The following ATP8A2 variants were observed in gnomAD, a reference collection of about 807,000 sequenced individuals.
ATP8A2 encodes phospholipid-transporting ATPase IB.
Under a neutral mutation model 165.6 loss-of-function variants are expected in ATP8A2, and 100 were observed. That is an observed-to-expected ratio of 0.60 (90% CI 0.51 to 0.71). The LOEUF (loss-of-function observed/expected upper bound fraction) is 0.71. Ranked by LOEUF, ATP8A2 falls within the 30% of genes least tolerant of loss-of-function variation. The probability of loss-of-function intolerance (pLI) is 0.00; values close to 1 mark genes in which losing one functional copy is unlikely to be tolerated. For synonymous variants in ATP8A2, 543 were observed against 548.8 expected (o/e 0.99, Z 0.15); for missense variants, 1,227 against 1,479.5 (o/e 0.83, Z 2.80).
At chr13:25,453,940 T>C (rs1336405399) in intron 1 of ATP8A2, among the ~76,000 whole-genome samples, 1 of 152,190 alleles carries the variant, frequency 6.6e-6, no homozygotes, top group South Asian at 2.1e-4. Context: ...CTTGTTTAGA[T>C]ACAAGCTATG....
intron 2 of ATP8A2, among the ~76,000 whole-genome samples, chr13:25,474,271 C>G (rs2035929829): frequency 6.6e-6 from 1 of 152,078 alleles, no homozygotes; most frequent in Admixed American, 6.6e-5. Context: ...TAGAATATTA[C>G]CTTTACAGGG....
At chr13:25,549,693 TC>T (rs1002948106) in intron 10 of ATP8A2, among the ~76,000 whole-genome samples, 1 of 152,116 alleles carries the variant, frequency 6.6e-6, no homozygotes, top group Admixed American at 6.6e-5. Context: ...GTGACAGATT[TC>T]CACAGTTTTA....
chr13:25,868,600 A>T (rs1425330287), intron 33 of ATP8A2, among the ~76,000 whole-genome samples: 1 of 152,198 alleles, frequency 6.6e-6, no homozygotes, highest in African/African-American at 2.4e-5. Flanking sequence ...AAGAAGTAAC[A>T]CACTGTGTTT....
intron 2 of ATP8A2, among the ~76,000 whole-genome samples, chr13:25,513,502 C>T (rs530849166): frequency 4.6e-5 from 7 of 151,374 alleles, no homozygotes; most frequent in South Asian, 4.2e-4. Context: ...GGGCTCCTCA[C>T]GTCCCAGAAG....
intron 24 of ATP8A2, among the ~76,000 whole-genome samples, chr13:25,633,920 G>A (rs1265278158): frequency 2.0e-5 from 3 of 151,420 alleles, no homozygotes; most frequent in African/African-American, 7.3e-5. Context: ...AGGCTGCAGC[G>A]AGGCAAGATC....
chr13:25,647,691 T>C (rs552200219), intron 24 of ATP8A2, among the ~76,000 whole-genome samples: 79 of 152,086 alleles, frequency 5.2e-4, no homozygotes, highest in African/African-American at 1.8e-3. Context: ...TTTTTCTTTT[T>C]TTTTTCTTTT....
intron 2 of ATP8A2, among the ~76,000 whole-genome samples, chr13:25,471,967 A>C (rs1464011710): frequency 6.6e-6 from 1 of 152,214 alleles, no homozygotes. Context: ...TTCCGCATGC[A>C]CTGGATAGGG....
At chr13:25,998,097 T>A (rs933450106) in intron 35 of ATP8A2, among the ~76,000 whole-genome samples, 6 of 152,202 alleles carry the variant, frequency 3.9e-5, no homozygotes, top group Non-Finnish European at 7.3e-5. Flanking sequence ...ATGGCCTCTG[T>A]TTATGTCTTC....
chr13:25,852,432 C>T (rs1043526144), intron 30 of ATP8A2, among the ~76,000 whole-genome samples: 15 of 152,174 alleles, frequency 9.9e-5, no homozygotes. Context: ...GGTCAGATCT[C>T]CAGGCGTTCC....
At chr13:25,668,090 A>T (rs2042191090) in intron 24 of ATP8A2, among the ~76,000 whole-genome samples, 1 of 152,184 alleles carries the variant, frequency 6.6e-6, no homozygotes, top group Non-Finnish European at 1.5e-5. Context: ...AAAATACGTA[A>T]ATAATGAATT....
intron 30 of ATP8A2, among the ~76,000 whole-genome samples, chr13:25,845,846 C>T (rs1203946305): frequency 6.6e-6 from 1 of 152,206 alleles, no homozygotes; most frequent in Non-Finnish European, 1.5e-5. Flanking sequence ...GAGACTGCAA[C>T]TTCTTAAACT....
chr13:25,399,565 A>AT (rs61674518), intron 1 of ATP8A2, among the ~76,000 whole-genome samples: 1 of 77,038 alleles, frequency 1.3e-5, no homozygotes, highest in African/African-American at 4.6e-5. Flanking sequence ...CGCCCGGCTA[A>AT]TTTTTTTTTT....
chr13:25,929,959 G>T (rs1481831663), intron 33 of ATP8A2, among the ~76,000 whole-genome samples: 1 of 152,156 alleles, frequency 6.6e-6, no homozygotes, highest in African/African-American at 2.4e-5. Flanking sequence ...TTAAATGACT[G>T]TGCTCTGTTG....
At chr13:25,492,285 A>G (rs2036550882) in intron 2 of ATP8A2, among the ~76,000 whole-genome samples, 1 of 152,118 alleles carries the variant, frequency 6.6e-6, no homozygotes, top group South Asian at 2.1e-4. Context: ...TGAACTCCTG[A>G]CTTCAGGTGA....
intron 27 of ATP8A2, among the ~76,000 whole-genome samples, chr13:25,783,150 G>C (rs925448949): frequency 6.6e-6 from 1 of 152,106 alleles, no homozygotes; most frequent in African/African-American, 2.4e-5. Flanking sequence ...CGGAGAGCCT[G>C]GCTGTACAGC....
chr13:25,599,044 T>A (rs1228174139), intron 24 of ATP8A2, among the ~76,000 whole-genome samples: 1 of 152,090 alleles, frequency 6.6e-6, no homozygotes, highest in Non-Finnish European at 1.5e-5. Flanking sequence ...TTTTTTTTTT[T>A]ATCTTACAGC....
intron 2 of ATP8A2, among the ~76,000 whole-genome samples, chr13:25,481,472 A>G (rs1006647867): frequency 6.6e-6 from 1 of 152,104 alleles, no homozygotes; most frequent in South Asian, 2.1e-4. Context: ...TGATTCTTAA[A>G]CCATTTGTTC....
At chr13:25,662,217 T>G (rs2042065569) in intron 24 of ATP8A2, among the ~76,000 whole-genome samples, 1 of 152,220 alleles carries the variant, frequency 6.6e-6, no homozygotes, top group Non-Finnish European at 1.5e-5. Flanking sequence ...GTAAGCGCTG[T>G]TATACACATT....
intron 33 of ATP8A2, 94 bp downstream of exon 33, chr13:25,862,502 A>G (rs1952388794): frequency 2.1e-6 from 2 of 967,210 alleles, no homozygotes; most frequent in East Asian, 2.4e-5. Context: ...TCTTACAGCC[A>G]CGATGAGCTT....
Sources: allele counts gnomAD v4.1 joint callset (sites outside exome capture counted in the v4.1 genomes callset), GRCh38; gene constraint gnomAD v4.1.1; transcripts MANE v1.5; gene names NCBI Gene and HGNC (gene_info 2026-07-23, HGNC 2026-07-21).